The following SIAH2 variants were observed in gnomAD, a reference collection of about 807,000 sequenced individuals.
SIAH2 encodes E3 ubiquitin-protein ligase SIAH2.
Under a neutral mutation model 20.4 loss-of-function variants are expected in SIAH2, and 4 were observed. The observed-to-expected ratio is 0.20, with a 90% CI of 0.10 to 0.45. SIAH2 has a LOEUF of 0.45. SIAH2 is among the 20% of genes least tolerant of loss of function. The pLI is 0.99. For missense variants in SIAH2, 259 were observed against 440.3 expected (o/e 0.59, Z 3.69); for synonymous variants, 171 against 192.5 (o/e 0.89, Z 0.93).
intron 1 of SIAH2, among the ~76,000 whole-genome samples, chr3:150,761,662 T>C (rs1435010833): frequency 6.6e-6 from 1 of 152,250 alleles, no homozygotes; most frequent in Non-Finnish European, 1.5e-5. Flanking sequence ...TCTTTCATTT[T>C]ACTTCTTGTC....
intron 1 of SIAH2, among the ~76,000 whole-genome samples, chr3:150,748,100 G>A (rs57824095): frequency 0.14 from 21,311 of 152,038 alleles, 2,961 homozygotes; most frequent in East Asian, 0.37. Context: ...GTCTTGTGCA[G>A]ATGTGTTCTG....
At chr3:150,745,479 CCTTGGG>C (rs966269044) in intron 1 of SIAH2, among the ~76,000 whole-genome samples, 8 of 151,912 alleles carry the variant, frequency 5.3e-5, no homozygotes, top group African/African-American at 1.9e-4. Context: ...TGGCCCCTGG[CCTTGGG>C]CTTGTGTTTT....
At chr3:150,744,361 C>T (rs1159682369) in intron 1 of SIAH2, among the ~76,000 whole-genome samples, 2 of 152,202 alleles carry the variant, frequency 1.3e-5, no homozygotes, top group Admixed American at 6.5e-5. Context: ...AGAAATATTT[C>T]AGTTACTTAT....
At chr3:150,744,690 C>T (rs1317742686) in intron 1 of SIAH2, among the ~76,000 whole-genome samples, 1 of 152,116 alleles carries the variant, frequency 6.6e-6, no homozygotes, top group Non-Finnish European at 1.5e-5. Context: ...GAAACAAGCT[C>T]TCAATATCTG....
intron 1 of SIAH2, among the ~76,000 whole-genome samples, chr3:150,747,769 C>A (rs1376090471): frequency 6.6e-6 from 1 of 151,518 alleles, no homozygotes; most frequent in East Asian, 1.9e-4. Flanking sequence ...GGTGAAACCC[C>A]ATCTCTACTA....
At chr3:150,745,155 T>G (rs1259749226) in intron 1 of SIAH2, among the ~76,000 whole-genome samples, 21 of 152,008 alleles carry the variant, frequency 1.4e-4, no homozygotes, top group African/African-American at 5.1e-4. Context: ...AATCTATCCC[T>G]TCTCTTTCCA....
chr3:150,748,689 G>C (rs1289404606), intron 1 of SIAH2, among the ~76,000 whole-genome samples: 1 of 152,118 alleles, frequency 6.6e-6, no homozygotes, highest in Non-Finnish European at 1.5e-5. Context: ...AACCACAATC[G>C]ATATTTTGTT....
chr3:150,759,774 T>C (rs1714564817), intron 1 of SIAH2, among the ~76,000 whole-genome samples: 1 of 152,018 alleles, frequency 6.6e-6, no homozygotes, highest in Non-Finnish European at 1.5e-5. Context: ...ACATTCCAGA[T>C]AGCCTCCCTT....
At position 150,746,009 on chromosome 3, in the gene SIAH2, G is replaced by A. The variant is rs544186047; in HGVS notation, c.418-3311C>T. 2.0e-5 allele frequency among the ~76,000 whole-genome samples: 3 copies of A among 152,320 alleles called. No individual in the cohort carries two copies. The East Asian group carries it at 5.8e-4, about 29-fold the overall frequency. On this transcript the variant is annotated intron_variant, in intron 1 of 1. Coordinates refer to ENST00000312960, the MANE Select transcript of SIAH2 (RefSeq NM_005067.7). Reference sequence around the variant, plus strand: ...GGTGGGACAGGGTGAGGAGGACATGGTAAGGAAAGCTTTATTGTAGACAAG... The same window carrying A: ...GGTGGGACAGGGTGAGGAGGACATGATAAGGAAAGCTTTATTGTAGACAAG...
At chr3:150,753,085 G>A (rs921342118) in intron 1 of SIAH2, among the ~76,000 whole-genome samples, 22 of 152,286 alleles carry the variant, frequency 1.4e-4, no homozygotes, top group African/African-American at 4.1e-4. Context: ...AAACCGCTGC[G>A]CACCTTCAAC....
intron 1 of SIAH2, among the ~76,000 whole-genome samples, chr3:150,756,672 G>C (rs184559359): frequency 6.6e-6 from 1 of 152,100 alleles, no homozygotes; most frequent in Non-Finnish European, 1.5e-5. Flanking sequence ...AAAATCTTTG[G>C]CCAGTTATGT....
chr3:150,748,533 A>T (rs1714278186), intron 1 of SIAH2, among the ~76,000 whole-genome samples: 1 of 152,248 alleles, frequency 6.6e-6, no homozygotes, highest in African/African-American at 2.4e-5. Context: ...CAATGGGAGC[A>T]GCATGTGCTC....
chr3:150,760,585 T>A (rs1224037307), intron 1 of SIAH2, among the ~76,000 whole-genome samples: 1 of 152,244 alleles, frequency 6.6e-6, no homozygotes, highest in Non-Finnish European at 1.5e-5. Context: ...CTTCCCTTTC[T>A]CTTGGGAACA....
rs1216619667 is a variant in SIAH2, at chr3:150,763,003, C to A, written c.-154G>T. ...GCGGAGACGCTCGGCGCCCGGCAGG[C>A]GGAGGGCTGGACCGCGCTGATGCAC... is the stretch of plus-strand genomic sequence containing the variant. On this transcript the variant is annotated 5_prime_UTR_variant, in exon 1 of 2. Coordinates refer to ENST00000312960, the MANE Select transcript of SIAH2 (RefSeq NM_005067.7). The surrounding 1 kb of genome is among the most constrained non-coding windows in gnomAD (Gnocchi z 4.1). 2 of 887,980 alleles carry A rather than the reference C, an allele frequency of 2.3e-6. No individual in the cohort carries two copies. Among genetic ancestry groups the A allele is most frequent in the Non-Finnish European group, 2.8e-6 (2 of 719,230 alleles). 55.0% of individuals were successfully genotyped at this position (887,980 alleles called of 1,614,324 possible). A position where few individuals can be genotyped will look rare whatever the true frequency, so the allele number is the denominator to read the frequency against.
In SIAH2 at chr3:150,742,431, A is replaced by G. The variant is rs780035718; in HGVS notation, c.685T>C (p.Phe229Leu). 1.9e-6 allele frequency: 3 copies of G among 1,614,088 alleles called. No individual in the cohort carries two copies. Among genetic ancestry groups the G allele is most frequent in the Non-Finnish European group, 2.5e-6 (3 of 1,180,050 alleles). ...VMMQSCFGHHFMLVLEKQEKY... is the reference protein window; with the variant it reads ...VMMQSCFGHHLMLVLEKQEKY... Reference sequence around the variant, plus strand: ...TCTTGTTTCTCCAGCACCAGCATGAAGTGATGGCCAAAACATGACTGCATC... The same window carrying G: ...TCTTGTTTCTCCAGCACCAGCATGAGGTGATGGCCAAAACATGACTGCATC... The change falls in exon 2 of 2, where the codon TTC becomes CTC. Residue 229 changes from phenylalanine to leucine, a missense_variant. Transcript: ENST00000312960. This position sits in a 1 kb window ranked among gnomAD's most constrained non-coding sequence, Gnocchi z 4.8.
chr3:150,748,061 C>A (rs1168145107), intron 1 of SIAH2, among the ~76,000 whole-genome samples: 1 of 150,890 alleles, frequency 6.6e-6, no homozygotes, highest in Non-Finnish European at 1.5e-5. Context: ...CTTCTCTTTA[C>A]AAACTTTTCA....
chr3:150,747,917 T>G, intron 1 of SIAH2, among the ~76,000 whole-genome samples: 1 of 147,626 alleles, frequency 6.8e-6, no homozygotes, highest in East Asian at 2.0e-4. Flanking sequence ...TGAGCCATGA[T>G]TGTGCCACTG....
rs1370081909 is a variant in SIAH2, at chr3:150,741,653, C to A, written c.*488G>T. The A allele has an allele frequency of 6.5e-6, 1 of 153,282 alleles. No individual in the cohort carries two copies. The highest frequency in any genetic ancestry group is 1.9e-4 in the East Asian group (1 of 5,208). The allele number at this position is 153,282 out of a possible 1,614,324, so 9.5% of individuals were successfully genotyped here. On this transcript the variant is annotated 3_prime_UTR_variant, in exon 2 of 2. Coordinates refer to ENST00000312960, the MANE Select transcript of SIAH2 (RefSeq NM_005067.7). Reference sequence around the variant, plus strand: ...CCTAAATCTGCAATTTTAAGATAAGCACTCCGGGTGATTCAGTGTCTATTA... The same window carrying A: ...CCTAAATCTGCAATTTTAAGATAAGAACTCCGGGTGATTCAGTGTCTATTA...
Position 150,742,451 on chromosome 3 carries a change from T to A in SIAH2, c.665A>T (p.Gln222Leu), listed in dbSNP as rs1714116733. ...LPGAVDWVMM[Q>L]SCFGHHFMLV... ...CATGAAGTGATGGCCAAAACATGAC[T>A]GCATCATCACCCAGTCGACAGCCCC... The change falls in exon 2 of 2, where the codon CAG becomes CTG. Residue 222 changes from glutamine to leucine, a missense_variant. Gln to Leu is a moderately radical substitution (Grantham distance 113). Around this residue, in one of 2 missense-constraint regions of SIAH2, gnomAD observed 160 missense variants for 327.6 expected, o/e 0.49. Transcript: ENST00000312960. This position sits in a 1 kb window ranked among gnomAD's most constrained non-coding sequence, Gnocchi z 4.8. 1 of 1,614,210 alleles carries A rather than the reference T, an allele frequency of 6.2e-7. No individual in the cohort carries two copies. The highest frequency in any genetic ancestry group is 8.5e-7 in the Non-Finnish European group (1 of 1,180,034).
Sources: allele counts gnomAD v4.1 joint callset (sites outside exome capture counted in the v4.1 genomes callset), GRCh38; gene constraint gnomAD v4.1.1; regional missense constraint gnomAD v4.1.1; non-coding constraint Gnocchi (gnomAD v3.1); transcripts MANE v1.5; gene names NCBI Gene and HGNC (gene_info 2026-07-23, HGNC 2026-07-21).